INSL6: variants seen among roughly 807,000 people sequenced by gnomAD.
INSL6 encodes insulin-like peptide INSL6.
Under a neutral mutation model 9.4 loss-of-function variants are expected in INSL6, and 16 were observed. The observed-to-expected ratio is 1.70, with a 90% CI of 1.15 to 2.59. The LOEUF is 2.59. INSL6 is among the 30% of genes most tolerant of loss of function. The pLI, the probability that INSL6 is intolerant of heterozygous loss-of-function variation, is 0.00. For missense variants in INSL6, 391 were observed against 257.3 expected (o/e 1.52, Z -3.56); for synonymous variants, 154 against 96.9 (o/e 1.59, Z -3.46).
the INSL6 span, among the ~76,000 whole-genome samples, chr9:5,095,937 A>G: frequency 1.3e-5 from 2 of 152,204 alleles, no homozygotes; most frequent in African/African-American, 4.8e-5. Flanking sequence ...ACAAATTAAC[A>G]TGATTAACAC....
At chr9:5,183,580 A>C (rs546452647) in intron 1 of INSL6, among the ~76,000 whole-genome samples, 1 of 152,322 alleles carries the variant, frequency 6.6e-6, no homozygotes, top group East Asian at 1.9e-4. Flanking sequence ...TGTTGAGAAA[A>C]GGCATTCCAA....
At chr9:5,075,958 T>C in the INSL6 span, among the ~76,000 whole-genome samples, 1 of 152,040 alleles carries the variant, frequency 6.6e-6, no homozygotes, top group Non-Finnish European at 1.5e-5. Context: ...TTGGAAAAAG[T>C]TCATTCTAAC....
the INSL6 span, among the ~76,000 whole-genome samples, chr9:5,068,591 G>A: frequency 6.6e-6 from 1 of 152,174 alleles, no homozygotes; most frequent in Non-Finnish European, 1.5e-5. Context: ...AAGCAGCATG[G>A]CATTTGCTTG....
chr9:5,035,610 TA>T, the INSL6 span, among the ~76,000 whole-genome samples: 1 of 152,194 alleles, frequency 6.6e-6, no homozygotes, highest in Non-Finnish European at 1.5e-5. Context: ...ATCCAGCATA[TA>T]AACAGAACTA....
At chr9:5,050,039 C>A in the INSL6 span, among the ~76,000 whole-genome samples, 1 of 152,104 alleles carries the variant, frequency 6.6e-6, no homozygotes, top group African/African-American at 2.4e-5. Flanking sequence ...TTCTTTGTAT[C>A]CAACACCACT....
chr9:5,104,491 G>C, the INSL6 span, among the ~76,000 whole-genome samples: 3 of 152,188 alleles, frequency 2.0e-5, no homozygotes, highest in Admixed American at 1.3e-4. Flanking sequence ...ACAAAGAGGA[G>C]CTGATACCAT....
At chr9:5,054,974 T>C in the INSL6 span, 2 of 911,190 alleles carry the variant, frequency 2.2e-6, no homozygotes, top group Non-Finnish European at 3.3e-6. This position sits in a 1 kb window ranked among gnomAD's most constrained non-coding sequence, Gnocchi z 4.9. Context: ...CAACATGGTA[T>C]TGCACTTCTC....
chr9:5,113,465 G>A, the INSL6 span: 1 of 147,344 alleles, frequency 6.8e-6, no homozygotes, highest in African/African-American at 2.6e-5. Flanking sequence ...ACTGACCTTG[G>A]CCAGGCTGGA....
intron 1 of INSL6, among the ~76,000 whole-genome samples, chr9:5,183,897 T>C (rs1363947045): frequency 6.6e-6 from 1 of 152,302 alleles, no homozygotes; most frequent in Admixed American, 6.5e-5. Flanking sequence ...CCAGGTCTAC[T>C]AACTCAGAGT....
At chr9:5,082,624 C>T in the INSL6 span, among the ~76,000 whole-genome samples, 2 of 152,346 alleles carry the variant, frequency 1.3e-5, no homozygotes, top group South Asian at 2.1e-4. Flanking sequence ...CTTTCCCATC[C>T]CACGAGGCCA....
chr9:5,143,231 C>G (rs1824537370), intron 2 of INSL6, among the ~76,000 whole-genome samples: 1 of 143,240 alleles, frequency 7.0e-6, no homozygotes, highest in Non-Finnish European at 1.5e-5. Context: ...GTTCCTTCTC[C>G]TCAATTTTTT....
chr9:5,041,642 C>G, the INSL6 span: 1 of 502,098 alleles, frequency 2.0e-6, no homozygotes, highest in Non-Finnish European at 4.0e-6. Context: ...TTGAGAAGCT[C>G]GACTACGACT....
At chr9:5,050,689 C>A in the INSL6 span, 6 of 1,610,860 alleles carry the variant, frequency 3.7e-6, no homozygotes, top group Admixed American at 5.1e-5. Context: ...GTTTTAGTGG[C>A]GGCATGATTT....
chr9:5,037,291 C>T, the INSL6 span, among the ~76,000 whole-genome samples: 4 of 152,116 alleles, frequency 2.6e-5, no homozygotes, highest in Non-Finnish European at 5.9e-5. Context: ...TTGTGGAAGT[C>T]AGTGTGGCGA....
intron 2 of INSL6, among the ~76,000 whole-genome samples, chr9:5,146,952 G>T (rs62541903): frequency 6.6e-6 from 1 of 151,958 alleles, no homozygotes; most frequent in Non-Finnish European, 1.5e-5. Flanking sequence ...CCCCAGGAAA[G>T]GCCAACAGCA....
the INSL6 span, among the ~76,000 whole-genome samples, chr9:5,019,424 T>C: frequency 6.6e-6 from 1 of 152,150 alleles, no homozygotes; most frequent in Non-Finnish European, 1.5e-5. Context: ...TTCTCATTGA[T>C]ATCCTGAGTT....
the INSL6 span, among the ~76,000 whole-genome samples, chr9:5,103,889 AC>A: frequency 6.6e-6 from 1 of 152,366 alleles, no homozygotes; most frequent in East Asian, 1.9e-4. Context: ...GACACAGCAT[AC>A]CAGAATCTCT....
chr9:5,087,271 A>G, the INSL6 span, among the ~76,000 whole-genome samples: 1 of 152,236 alleles, frequency 6.6e-6, no homozygotes, highest in Non-Finnish European at 1.5e-5. Flanking sequence ...ACAGGGCAGC[A>G]GGAGAGAGAA....
chr9:5,114,309 G>T, the INSL6 span: 1 of 542,840 alleles, frequency 1.8e-6, no homozygotes, highest in Non-Finnish European at 3.6e-6. Flanking sequence ...TTGGTCCCAG[G>T]CCAGTGGGAA....
Sources: allele counts gnomAD v4.1 joint callset (sites outside exome capture counted in the v4.1 genomes callset), GRCh38; gene constraint gnomAD v4.1.1; non-coding constraint Gnocchi (gnomAD v3.1); transcripts MANE v1.5; gene names NCBI Gene and HGNC (gene_info 2026-07-23, HGNC 2026-07-21).